Variants in RNF40 observed in about 807,000 individuals in gnomAD.
RNF40 encodes ring finger protein 40, also known as E3 ubiquitin-protein ligase BRE1B.
RNF40 carries 39 observed loss-of-function variants against 123.3 expected under a neutral mutation model. That is an observed-to-expected ratio of 0.32 (90% CI 0.24 to 0.41). The LOEUF is 0.41. Ranked by LOEUF, RNF40 falls within the 10% of genes least tolerant of loss-of-function variation. The pLI, the probability that RNF40 is intolerant of heterozygous loss-of-function variation, is 1.00. For missense variants in RNF40, 1,003 were observed against 1,319.9 expected (o/e 0.76, Z 3.72); for synonymous variants, 538 against 526.0 (o/e 1.02, Z -0.31).
intron 6 of RNF40, 26 bp downstream of exon 6, chr16:30,765,085 G>A (rs1224311392): frequency 1.9e-5 from 31 of 1,612,826 alleles, no homozygotes; most frequent in Non-Finnish European, 2.5e-5. Context: ...CTTTGGGGGT[G>A]TGATTAGAAT....
rs190427175 is a variant in RNF40, at chr16:30,775,476, G to C, written c.*1362G>C. 314 of 171,558 alleles carry C rather than the reference G, an allele frequency of 1.8e-3. 1 individual carries two copies. Among genetic ancestry groups the C allele is most frequent in the Admixed American group, 5.3e-3 (93 of 17,568 alleles). 10.6% of individuals were successfully genotyped at this position (171,558 alleles called of 1,614,324 possible). A position where few individuals can be genotyped will look rare whatever the true frequency, so the allele number is the denominator to read the frequency against. ...GTAGTTCCTGGTCCGCACATGGTTA[G>C]GAGGTTCTCGGAGAGAGAGCTAGTT... On this transcript the variant is annotated 3_prime_UTR_variant, in exon 20 of 20. Coordinates refer to ENST00000324685, the MANE Select transcript of RNF40 (RefSeq NM_014771.4).
intron 11 of RNF40, chr16:30,767,540 C>G (rs2054058402): frequency 5.2e-6 from 1 of 193,068 alleles, no homozygotes; most frequent in Non-Finnish European, 1.1e-5. Context: ...TGTGGTGATT[C>G]ATGTCTGTAA....
Position 30,766,625 on chromosome 16 carries a change from C to A in RNF40, c.1293+67C>A. On this transcript the variant is annotated intron_variant, in intron 10 of 19. Coordinates refer to ENST00000324685, the MANE Select transcript of RNF40 (RefSeq NM_014771.4). The surrounding 1 kb of genome is among the most constrained non-coding windows in gnomAD (Gnocchi z 5.4). ...AACCGTTAGTGTTGACGTGTTTGTG[C>A]CTTCCGAGGCCCTGTGTGCCAGCCA... 6.3e-7 allele frequency: 1 copy of A among 1,579,452 alleles called. No individual in the cohort carries two copies.
At position 30,767,990 on chromosome 16, in the gene RNF40, G is replaced by A. The variant is rs770957190; in HGVS notation, c.1526G>A (p.Arg509Gln). Reference sequence around the variant, plus strand: ...GCCCAGCGATACAAGCGGAAGCTTCGAGAAGTACAAGCTGAGATTGGCAAG... The same window carrying A: ...GCCCAGCGATACAAGCGGAAGCTTCAAGAAGTACAAGCTGAGATTGGCAAG... Reference protein sequence around the residue: ...GDAQRYKRKLREVQAEIGKLR... With the variant: ...GDAQRYKRKLQEVQAEIGKLR... The change falls in exon 12 of 20, where the codon CGA becomes CAA. Residue 509 changes from arginine to glutamine, a missense_variant. Physicochemically the swap from Arg to Gln is conservative, Grantham distance 43. Around this residue, in one of 11 missense-constraint regions of RNF40, gnomAD observed 295 missense variants for 331.7 expected, o/e 0.89. Transcript: ENST00000324685. 3.1e-6 allele frequency: 5 copies of A among 1,614,074 alleles called. No homozygotes were observed. Among genetic ancestry groups the A allele is most frequent in the Admixed American group, 1.7e-5 (1 of 60,010 alleles).
intron 5 of RNF40, 61 bp downstream of exon 5, chr16:30,764,446 C>A: frequency 2.1e-6 from 3 of 1,424,658 alleles, no homozygotes; most frequent in South Asian, 1.2e-5. Context: ...TGATGGCACC[C>A]CTTCCTGATT....
At position 30,774,115 on chromosome 16, in the gene RNF40, AC is replaced by A; in HGVS notation, c.*3del. On this transcript the variant is annotated 3_prime_UTR_variant, in exon 20 of 20. Transcript: ENST00000324685. ...CTTCCATCGTATCTACATCAGCTGA[AC>A]CTGAAACTCAGGGGACTCTGGAACA... 1.2e-6 allele frequency: 2 copies of A among 1,610,616 alleles called. No individual in the cohort carries two copies. Among genetic ancestry groups the A allele is most frequent in the Non-Finnish European group, 1.7e-6 (2 of 1,177,450 alleles).
Position 30,767,847 on chromosome 16 carries a change from A to T in RNF40, c.1430-47A>T. 3 of 1,613,874 alleles carry T rather than the reference A, an allele frequency of 1.9e-6. No individual in the cohort carries two copies. The South Asian group carries it at 3.3e-5, about 18-fold the overall frequency. On this transcript the variant is annotated intron_variant, in intron 11 of 19. Transcript: ENST00000324685. ...TACCCCACTGAGGGGTTGGAGTCCTAACCCAGGAACTGGTTCTGACACCTT... is the reference window on the plus strand; with the variant it reads ...TACCCCACTGAGGGGTTGGAGTCCTTACCCAGGAACTGGTTCTGACACCTT...
At chr16:30,770,775 G>A (rs1001202986) in intron 17 of RNF40, among the ~76,000 whole-genome samples, 3 of 151,966 alleles carry the variant, frequency 2.0e-5, no homozygotes, top group African/African-American at 7.3e-5. Flanking sequence ...ACAGTGGCTC[G>A]GTCTCAGTTC....
At chr16:30,767,115 T>C (rs577775294) in intron 11 of RNF40, among the ~76,000 whole-genome samples, 1 of 152,318 alleles carries the variant, frequency 6.6e-6, no homozygotes, top group Non-Finnish European at 1.5e-5. Context: ...TCCTCATTCT[T>C]CTGGTCTGAT....
chr16:30,768,822 C>G lies in RNF40; in HGVS notation c.2098-16C>G. The G allele has an allele frequency of 6.2e-7, 1 of 1,614,212 alleles. No individual in the cohort carries two copies. The highest frequency in any genetic ancestry group is 8.5e-7 in the Non-Finnish European group (1 of 1,180,032). On this transcript the variant is annotated splice_polypyrimidine_tract_variant and intron_variant, in intron 14 of 19. Transcript: ENST00000324685. This position sits in a 1 kb window ranked among gnomAD's most constrained non-coding sequence, Gnocchi z 4.1. ...GGAAGCAGTGTCAAGAGAGTTTCTTCTTCCCTGTGCTATAGGTTGATGAGC... is the reference window on the plus strand; with the variant it reads ...GGAAGCAGTGTCAAGAGAGTTTCTTGTTCCCTGTGCTATAGGTTGATGAGC...
chr16:30,769,378 G>T lies in RNF40; in HGVS notation c.2440G>T (p.Val814Phe), dbSNP rs2054104621. ...GGAGAAGGATGAGTTGGGCGAGCAG[G>T]TCCTTGGCCTCAAGTCCCAGGTATG... ...REEKDELGEQ[V>F]LGLKSQVDAQ... Residue 814 changes from valine (V) to phenylalanine (F), a missense_variant, in exon 16 of 20, where the codon GTC (valine) becomes TTC (phenylalanine). This residue lies in a region of RNF40 where 121 missense variants were observed against 125.3 expected (regional missense o/e 0.97). Transcript: ENST00000324685. 5 of 1,614,232 alleles carry T rather than the reference G, an allele frequency of 3.1e-6. No individual in the cohort carries two copies. The highest frequency in any genetic ancestry group is 4.2e-6 in the Non-Finnish European group (5 of 1,180,042).
Position 30,774,873 on chromosome 16 carries a change from G to A in RNF40, c.*759G>A. ...ATCCCAAGGCTCTACTGGGTCCCTG[G>A]ACCTAACCCTGCTTTCATCCTGGTG... On this transcript the variant is annotated 3_prime_UTR_variant, in exon 20 of 20. Transcript: ENST00000324685. 1 of 446,062 alleles carries A rather than the reference G, an allele frequency of 2.2e-6. No individual in the cohort carries two copies. The highest frequency in any genetic ancestry group is 4.5e-6 in the Non-Finnish European group (1 of 221,304). The allele number at this position is 446,062 out of a possible 1,614,324, so 27.6% of individuals were successfully genotyped here.
rs1172608911 is a variant in RNF40 at position 30,764,220 on chromosome 16, G to A, written c.484G>A (p.Ala162Thr). The A allele has an allele frequency of 1.2e-6, 2 of 1,611,962 alleles. No individual in the cohort carries two copies. The highest frequency in any genetic ancestry group is 1.7e-5 in the Admixed American group (1 of 59,762). ...GCTGCGGCCCCCTCTCAGTGAGCCG[G>A]CCTTGGCTTTTGTGGTGGCACTGGG... Reference protein sequence around the residue: ...MQLRPPLSEPALAFVVALGAS... With the variant: ...MQLRPPLSEPTLAFVVALGAS... Residue 162 changes from alanine (A) to threonine (T), a missense_variant, in exon 5 of 20, where the codon GCC becomes ACC. Physicochemically the swap from Ala to Thr is moderately conservative, Grantham distance 58. Around this residue, in one of 11 missense-constraint regions of RNF40, gnomAD observed 104 missense variants for 85.2 expected, o/e 1.22. Coordinates refer to ENST00000324685, the MANE Select transcript of RNF40 (RefSeq NM_014771.4).
At chr16:30,767,355 G>A (rs2151329771) in intron 11 of RNF40, among the ~76,000 whole-genome samples, 1 of 152,338 alleles carries the variant, frequency 6.6e-6, no homozygotes, top group Middle Eastern at 3.4e-3. Context: ...AGGAAGATAG[G>A]AAGTATCAGG....
At chr16:30,773,865 C>G in intron 19 of RNF40, 73 bp from the exon 20 acceptor site, 1 of 1,498,528 alleles carries the variant, frequency 6.7e-7, no homozygotes, top group Non-Finnish European at 9.1e-7. Flanking sequence ...TTGGCCTGGA[C>G]TCCTCCTGCT....
chr16:30,766,033 T>A lies in RNF40; in HGVS notation c.994-130T>A. On this transcript the variant is annotated intron_variant, in intron 8 of 19. Transcript: ENST00000324685. This position sits in a 1 kb window ranked among gnomAD's most constrained non-coding sequence, Gnocchi z 5.4. ...TTCTGGGAGCCCTTAGGAAAGTACT[T>A]GGTTTGGGGTGTCAGAATCGATCAT... 7.7e-7 allele frequency: 1 copy of A among 1,292,404 alleles called. No individual in the cohort carries two copies. The allele number at this position is 1,292,404 out of a possible 1,614,324, so 80.1% of individuals were successfully genotyped here. A position where few individuals can be genotyped will look rare whatever the true frequency, so the allele number is the denominator to read the frequency against.
intron 2 of RNF40, 26 bp downstream of exon 2, chr16:30,762,703 C>A (rs1394044608): frequency 1.2e-6 from 2 of 1,607,288 alleles, no homozygotes; most frequent in Non-Finnish European, 1.7e-6. Context: ...CCTTAACCCT[C>A]AGAACTTCCC....
At chr16:30,761,997 A>G (rs956327268), upstream of RNF40, 61 of 543,848 alleles carry the variant, frequency 1.1e-4, no homozygotes, top group African/African-American at 1.2e-3. Context: ...GAGCGAAGAG[A>G]ACGCGCAGAT....
rs766787859 is a variant in RNF40, at chr16:30,769,027, G to T, written c.2247+40G>T. 5.6e-6 allele frequency: 9 copies of T among 1,612,784 alleles called. No individual in the cohort carries two copies. The Admixed American group carries it at 1.0e-4, about 18-fold the overall frequency. On this transcript the variant is annotated intron_variant, in intron 15 of 19. Transcript: ENST00000324685. ...GTGCCCTCGCGTCGGAGCGCAGGGA[G>T]TTCCCTTCATACCCTGTTTGGTGCC...
Sources: gnomAD v4.1 joint callset for allele counts (sites outside exome capture counted in the v4.1 genomes callset) on GRCh38, gnomAD v4.1.1 for gene constraint, gnomAD v4.1.1 regional missense constraint, Gnocchi (gnomAD v3.1) non-coding constraint, MANE v1.5 for transcripts, NCBI Gene and HGNC (gene_info 2026-07-23, HGNC 2026-07-21) for gene names.